The following ZNF658 variants were observed in gnomAD, a reference collection of about 807,000 sequenced individuals.
The protein encoded by ZNF658 is zinc finger protein 658.
ZNF658 carries 46 observed loss-of-function variants against 78.0 expected under a neutral mutation model. The ratio of observed to expected loss-of-function variants is 0.59; its 90% CI spans 0.47 to 0.75. The LOEUF is 0.75. Among genes scored for constraint, ZNF658 ranks in the 30% least tolerant of loss-of-function variants. The probability of loss-of-function intolerance (pLI) is 0.00; values close to 1 mark genes in which losing one functional copy is unlikely to be tolerated. For missense variants in ZNF658, 785 were observed against 1,189.3 expected, an observed-to-expected ratio of 0.66 and a Z score of 5.00; for synonymous variants, 279 against 408.4, an observed-to-expected ratio of 0.68 and a Z score of 3.82.
chr9:66,905,826 C>T (rs1822067667), intron 2 of ZNF658, among the ~76,000 whole-genome samples: 2 of 144,344 alleles, frequency 1.4e-5, no homozygotes, highest in African/African-American at 2.7e-5. Flanking sequence ...AGTCTTTGAC[C>T]ATATGTAACA....
rs751762191 is a variant in ZNF658 at position 66,918,315 on chromosome 9, A to G, written c.749A>G (p.Lys250Arg). 1 of 1,613,930 alleles carries G rather than the reference A, an allele frequency of 6.2e-7. No homozygotes were observed. Among genetic ancestry groups the G allele is most frequent in the Non-Finnish European group, 8.5e-7 (1 of 1,179,840 alleles). Residue 250 changes from lysine (K) to arginine (R), a missense_variant, in exon 5 of 5, where the codon AAA becomes AGA. This residue lies in a region of ZNF658 where 393 missense variants were observed against 400.2 expected (regional missense o/e 0.98). Coordinates refer to ENST00000621410, the MANE Select transcript of ZNF658 (RefSeq NM_033160.7). ...TCCTGTAAGGATGATGAATTTAGAA[A>G]AAACTTTGATAAAATCACTTTATTT... ...EKSCKDDEFR[K>R]NFDKITLFNH...
chr9:66,922,206 A>G (rs1822537770), downstream of ZNF658, among the ~76,000 whole-genome samples: 1 of 147,022 alleles, frequency 6.8e-6, no homozygotes, highest in Non-Finnish European at 1.5e-5. Flanking sequence ...GGAAAAGCAC[A>G]GTATTAGGGT....
intron 6 of ZNF658, among the ~76,000 whole-genome samples, chr9:66,931,619 G>T (rs1244034276): frequency 6.9e-6 from 1 of 145,404 alleles, no homozygotes; most frequent in Non-Finnish European, 1.5e-5. Flanking sequence ...TTTTCTTTTT[G>T]CAACTTCATG....
rs752321954 is a variant in ZNF658 at position 66,919,756 on chromosome 9, A to G, written c.2190A>G (p.Arg730=). Reference sequence around the variant, plus strand: ...CATTTGCCCATAATTCAGCCCTTAGAGCACATCAGAATATCCACACAGGGG... The same window carrying G: ...CATTTGCCCATAATTCAGCCCTTAGGGCACATCAGAATATCCACACAGGGG... ...EKTFAHNSAL[R]AHQNIHTGEK... is the part of the protein sequence containing the mutation. The change falls in exon 5 of 5, where the codon AGA becomes AGG. Residue 730 remains arginine, a synonymous_variant. Transcript: ENST00000621410. 6.2e-7 allele frequency: 1 copy of G among 1,611,358 alleles called. No individual in the cohort carries two copies. The highest frequency in any genetic ancestry group is 1.7e-5 in the Admixed American group (1 of 59,904).
intron 4 of ZNF658, among the ~76,000 whole-genome samples, chr9:66,913,620 G>A (rs1421149281): frequency 6.6e-6 from 1 of 151,808 alleles, no homozygotes; most frequent in Non-Finnish European, 1.5e-5. Flanking sequence ...TTCTTTTACA[G>A]AACCTGCTTT....
intron 4 of ZNF658, among the ~76,000 whole-genome samples, chr9:66,909,105 G>A (rs1822153158): frequency 6.6e-6 from 1 of 151,948 alleles, no homozygotes; most frequent in Admixed American, 6.6e-5. Flanking sequence ...TTGTATCAAG[G>A]ACTTGGGCAT....
At chr9:66,911,637 AG>A (rs1822216117) in intron 4 of ZNF658, among the ~76,000 whole-genome samples, 1 of 131,708 alleles carries the variant, frequency 7.6e-6, no homozygotes, top group Non-Finnish European at 1.6e-5. Flanking sequence ...ACCCTATCAA[AG>A]AAAAAAGAGA....
chr9:66,929,705 T>A (rs1323221893), intron 6 of ZNF658, among the ~76,000 whole-genome samples: 1 of 113,308 alleles, frequency 8.8e-6, no homozygotes, highest in African/African-American at 3.2e-5. Context: ...AAAGTGATTC[T>A]TTAAATCTTC....
chr9:66,918,909 C>T lies in ZNF658; in HGVS notation c.1343C>T (p.Ala448Val). ...KLYECNECGK[A>V]FCQNSNLSKH... is the part of the protein sequence containing the mutation. The stretch of plus-strand genomic sequence containing the variant: ...TATGAATGTAATGAATGTGGGAAAG[C>T]TTTCTGTCAGAATTCAAACCTCAGT... The change falls in exon 5 of 5, where the codon GCT becomes GTT. Residue 448 changes from alanine to valine, a missense_variant. Physicochemically the swap from Ala to Val is moderately conservative, Grantham distance 64. This residue lies in a region of ZNF658 where 393 missense variants were observed against 400.2 expected (regional missense o/e 0.98). Transcript: ENST00000621410. The T allele has an allele frequency of 6.4e-7, 1 of 1,564,268 alleles. No homozygotes were observed. The highest frequency in any genetic ancestry group is 8.7e-7 in the Non-Finnish European group (1 of 1,152,930).
intron 6 of ZNF658, among the ~76,000 whole-genome samples, chr9:66,931,310 C>CTG (rs1822641331): frequency 6.7e-6 from 1 of 150,180 alleles, no homozygotes; most frequent in South Asian, 2.1e-4. Flanking sequence ...GTGTGTGTGT[C>CTG]TGTGTGTATA....
At position 66,920,276 on chromosome 9, in the gene ZNF658, C is replaced by T. The variant is rs762901486; in HGVS notation, c.2710C>T (p.Arg904Cys). The change falls in exon 5 of 5, where the codon CGC (arginine) becomes TGC (cysteine). Residue 904 changes from arginine to cysteine, a missense_variant. Arg to Cys is a radical substitution (Grantham distance 180, BLOSUM62 -3). This residue lies in a region of ZNF658 where 85 missense variants were observed against 108.6 expected (regional missense o/e 0.78). Coordinates refer to ENST00000621410, the MANE Select transcript of ZNF658 (RefSeq NM_033160.7). ...ACATCTCAGAGCACATCTTAGAACT[C>T]GCTCAGGGGAGAAACCCTATGAATG... ...TSHLRAHLRT[R>C]SGEKPYECSE... The T allele has an allele frequency of 2.4e-5, 39 of 1,611,358 alleles. No homozygotes were observed. Among genetic ancestry groups the T allele is most frequent in the Middle Eastern group, 1.6e-4 (1 of 6,070 alleles).
At chr9:66,929,109 C>T (rs1408462975) in intron 6 of ZNF658, among the ~76,000 whole-genome samples, 2 of 152,128 alleles carry the variant, frequency 1.3e-5, no homozygotes, top group Non-Finnish European at 2.9e-5. Context: ...TCTGTTTAAA[C>T]TCAGTAAAAA....
chr9:66,908,443 T>C (rs1379256459), intron 3 of ZNF658, 79 bp downstream of exon 3: 2 of 1,595,316 alleles, frequency 1.3e-6, no homozygotes, highest in East Asian at 2.2e-5. Flanking sequence ...GGACCCTTTA[T>C]AGAGATTAAA....
At position 66,918,632 on chromosome 9, in the gene ZNF658, A is replaced by T. The variant is rs769738552; in HGVS notation, c.1066A>T (p.Asn356Tyr). 7 of 1,612,548 alleles carry T rather than the reference A, an allele frequency of 4.3e-6. No homozygotes were observed. The East Asian group carries it at 1.6e-4, about 36-fold the overall frequency. Residue 356 changes from asparagine to tyrosine, a missense_variant, in exon 5 of 5, where the codon AAT (asparagine) becomes TAT (tyrosine). By Grantham distance (143) the Asn-to-Tyr change is moderately radical. Transcript: ENST00000621410. ...AGCTGGAGATAAATTTGGTGAACAT[A>T]ATGAATGTACAGATGCCCTCTACCA... ...TQAGDKFGEHNECTDALYQKL... is the reference protein window; with the variant it reads ...TQAGDKFGEHYECTDALYQKL...
intron 4 of ZNF658, among the ~76,000 whole-genome samples, chr9:66,910,568 G>A (rs1822190918): frequency 6.6e-6 from 1 of 151,928 alleles, no homozygotes; most frequent in African/African-American, 2.4e-5. Flanking sequence ...CAGCACTTTG[G>A]GAGGCCAAGG....
chr9:66,923,275 C>T (rs867645268), downstream of ZNF658, among the ~76,000 whole-genome samples: 745 of 151,598 alleles, frequency 4.9e-3, 8 homozygotes, highest in Admixed American at 7.6e-3. Flanking sequence ...GGCCAGAACA[C>T]TCAGCCAGTC....
At position 66,918,380 on chromosome 9, in the gene ZNF658, C is replaced by A; in HGVS notation, c.814C>A (p.Leu272Ile). Reference protein sequence around the residue: ...RTDTRGKCSDLNEYGTSCDKT... With the variant: ...RTDTRGKCSDINEYGTSCDKT... ...TGACACAAGGGGGAAATGCTCTGAT[C>A]TTAATGAATATGGGACATCCTGTGA... Residue 272 changes from leucine to isoleucine, a missense_variant, in exon 5 of 5, where the codon CTT (leucine) becomes ATT (isoleucine). Transcript: ENST00000621410. 6.2e-7 allele frequency: 1 copy of A among 1,613,768 alleles called. No homozygotes were observed. The highest frequency in any genetic ancestry group is 8.5e-7 in the Non-Finnish European group (1 of 1,179,828).
chr9:66,907,132 GTTCTT>G (rs1315979380), intron 2 of ZNF658, among the ~76,000 whole-genome samples: 1 of 151,334 alleles, frequency 6.6e-6, no homozygotes, highest in African/African-American at 2.4e-5. Flanking sequence ...GTTGTTTTTG[GTTCTT>G]TTCTTTCTTC....
intron 2 of ZNF658, among the ~76,000 whole-genome samples, chr9:66,905,161 C>T (rs1448249027): frequency 7.2e-6 from 1 of 139,278 alleles, no homozygotes; most frequent in Non-Finnish European, 1.5e-5. Flanking sequence ...CTGTAACCTC[C>T]ACCTTCCGGG....
Sources: gnomAD v4.1 joint callset for allele counts (sites outside exome capture counted in the v4.1 genomes callset) on GRCh38, gnomAD v4.1.1 for gene constraint, gnomAD v4.1.1 regional missense constraint, MANE v1.5 for transcripts, NCBI Gene and HGNC (gene_info 2026-07-23, HGNC 2026-07-21) for gene names.